Variants in NCKAP5 observed in about 807,000 individuals in gnomAD.
The protein encoded by NCKAP5 is nck-associated protein 5.
NCKAP5 carries 92 observed loss-of-function variants against 167.0 expected under a neutral mutation model. The ratio of observed to expected loss-of-function variants is 0.55; its 90% CI spans 0.47 to 0.66. The LOEUF (loss-of-function observed/expected upper bound fraction) is 0.66. Among genes scored for constraint, NCKAP5 ranks in the 30% least tolerant of loss-of-function variants. The pLI is 0.00. For synonymous variants in NCKAP5, 891 were observed against 877.4 expected, an observed-to-expected ratio of 1.02 and a Z score of -0.27; for missense variants, 2,378 against 2,315.0, an observed-to-expected ratio of 1.03 and a Z score of -0.56.
At chr2:133,363,345 G>A (rs1685249440) in intron 3 of NCKAP5, among the ~76,000 whole-genome samples, 1 of 151,962 alleles carries the variant, frequency 6.6e-6, no homozygotes, top group Non-Finnish European at 1.5e-5. Flanking sequence ...CCTATTGTCT[G>A]TGGCTGCATT....
rs552279326 is a variant in NCKAP5, at chr2:133,336,883, C to T, written c.70-33773G>A. ...CTGTTTGGCAGAGGTATATCCCTAC[C>T]GGGTCTCACTGCCACAGGAACAGAA... On this transcript the variant is annotated intron_variant, in intron 3 of 19. Coordinates refer to ENST00000409261, the MANE Select transcript of NCKAP5 (RefSeq NM_207363.3). Among the ~76,000 whole-genome samples the T allele has an allele frequency of 6.0e-4, 91 of 152,254 alleles. 1 individual carries two copies. The highest frequency in any genetic ancestry group is 1.8e-3 in the African/African-American group (75 of 41,564).
rs565853552 is a variant in NCKAP5 at position 133,472,467 on chromosome 2, T to C, written c.69+44991A>G. On this transcript the variant is annotated intron_variant, in intron 3 of 19. Transcript: ENST00000409261. ...ACTTTGATTATTTTGTAAGGTTTTATTATTGCTTCTCCTCTCCTTTTTAGG... is the reference window on the plus strand; with the variant it reads ...ACTTTGATTATTTTGTAAGGTTTTACTATTGCTTCTCCTCTCCTTTTTAGG... 2.0e-5 allele frequency among the ~76,000 whole-genome samples: 3 copies of C among 152,194 alleles called. No homozygotes were observed. In the East Asian group the frequency reaches 5.8e-4, roughly 30 times the overall value.
chr2:133,225,082 T>A (rs1322381656), intron 4 of NCKAP5, among the ~76,000 whole-genome samples: 1 of 152,184 alleles, frequency 6.6e-6, no homozygotes, highest in African/African-American at 2.4e-5. Flanking sequence ...AAAATTCCAC[T>A]AAAATAAATC....
chr2:133,510,233 G>T (rs1187893593), intron 3 of NCKAP5, among the ~76,000 whole-genome samples: 2 of 152,150 alleles, frequency 1.3e-5, no homozygotes, highest in African/African-American at 4.8e-5. Context: ...ACTGCATGCT[G>T]GGGGACGGCT....
intron 6 of NCKAP5, among the ~76,000 whole-genome samples, chr2:132,998,259 G>T (rs1338242137): frequency 1.3e-5 from 2 of 152,164 alleles, no homozygotes; most frequent in Non-Finnish European, 2.9e-5. Flanking sequence ...AACACAAGTT[G>T]CTGGATCAAA....
intron 1 of NCKAP5, among the ~76,000 whole-genome samples, chr2:133,567,698 T>TGA (rs1484670766): frequency 3.6e-5 from 5 of 139,240 alleles, no homozygotes; most frequent in Non-Finnish European, 7.8e-5. Flanking sequence ...TGTGTGTGTG[T>TGA]GTTTGGGGAG....
chr2:133,482,601 C>T lies in NCKAP5; in HGVS notation c.69+34857G>A, dbSNP rs189802634. Among the ~76,000 whole-genome samples, 628 of 152,254 alleles carry T rather than the reference C, an allele frequency of 4.1e-3. 3 individuals carry two copies. The highest frequency in any genetic ancestry group is 0.014 in the African/African-American group (581 of 41,542). On this transcript the variant is annotated intron_variant, in intron 3 of 19. Transcript: ENST00000409261. Reference sequence around the variant, plus strand: ...CTATTTTGACTAATTCTGCAATGAACATGTGAGTGCAATTATTTCTCTAAT... The same window carrying T: ...CTATTTTGACTAATTCTGCAATGAATATGTGAGTGCAATTATTTCTCTAAT...
At chr2:132,813,890 C>T (rs945273627) in intron 11 of NCKAP5, among the ~76,000 whole-genome samples, 2 of 152,126 alleles carry the variant, frequency 1.3e-5, no homozygotes, top group Admixed American at 1.3e-4. Context: ...ACCACTGGGA[C>T]CTTCACAGCC....
At chr2:133,548,701 C>A (rs2104936166) in intron 2 of NCKAP5, among the ~76,000 whole-genome samples, 1 of 152,046 alleles carries the variant, frequency 6.6e-6, no homozygotes, top group East Asian at 1.9e-4. Context: ...CACCACTAGG[C>A]CTGCCCTAAA....
chr2:133,230,362 G>T (rs939428658), intron 4 of NCKAP5, among the ~76,000 whole-genome samples: 10 of 152,136 alleles, frequency 6.6e-5, no homozygotes, highest in Non-Finnish European at 1.5e-4. Flanking sequence ...TTCTAGCGTT[G>T]CTGTGGGCAT....
chr2:132,848,655 G>T (rs1688850820), intron 11 of NCKAP5, among the ~76,000 whole-genome samples: 1 of 152,102 alleles, frequency 6.6e-6, no homozygotes, highest in Non-Finnish European at 1.5e-5. Context: ...GGAGGGAAAA[G>T]CAATCATAAA....
At chr2:133,251,450 C>T (rs1016748958) in intron 4 of NCKAP5, among the ~76,000 whole-genome samples, 11 of 152,216 alleles carry the variant, frequency 7.2e-5, no homozygotes, top group Middle Eastern at 3.4e-3. Context: ...ATGAATTTGC[C>T]GGACTTTATT....
At chr2:133,515,003 C>T (rs900468240) in intron 3 of NCKAP5, among the ~76,000 whole-genome samples, 3 of 152,202 alleles carry the variant, frequency 2.0e-5, no homozygotes, top group African/African-American at 7.2e-5. Context: ...TTGTTGTTTT[C>T]TTGTATTTCA....
chr2:133,628,508 G>A, the NCKAP5 span, among the ~76,000 whole-genome samples: 1 of 152,032 alleles, frequency 6.6e-6, no homozygotes, highest in Non-Finnish European at 1.5e-5. Context: ...AGAAACAACT[G>A]GAAAAACATT....
the NCKAP5 span, among the ~76,000 whole-genome samples, chr2:133,647,749 G>GAAGGAAGGA: frequency 6.5e-5 from 9 of 139,068 alleles, 1 homozygote; most frequent in Non-Finnish European, 1.4e-4. Flanking sequence ...AGGAAGGAAG[G>GAAGGAAGGA]AAAGAAAAGA....
intron 6 of NCKAP5, among the ~76,000 whole-genome samples, chr2:133,006,965 G>A (rs566992727): frequency 6.6e-6 from 1 of 152,146 alleles, no homozygotes; most frequent in South Asian, 2.1e-4. Context: ...CTTGTTCCAT[G>A]ATATTTCAGA....
chr2:132,856,506 T>C (rs1689484271), intron 11 of NCKAP5, among the ~76,000 whole-genome samples: 1 of 152,216 alleles, frequency 6.6e-6, no homozygotes, highest in Non-Finnish European at 1.5e-5. Context: ...TCATCTACCC[T>C]ATAAAATTCT....
At chr2:133,264,102 C>T (rs1015333798) in intron 4 of NCKAP5, among the ~76,000 whole-genome samples, 2 of 152,340 alleles carry the variant, frequency 1.3e-5, no homozygotes, top group East Asian at 3.9e-4. Flanking sequence ...TGGAGTTTCT[C>T]TCCAAGACAC....
At chr2:132,868,011 T>C (rs1341071782) in intron 10 of NCKAP5, among the ~76,000 whole-genome samples, 1 of 152,168 alleles carries the variant, frequency 6.6e-6, no homozygotes, top group East Asian at 1.9e-4. Flanking sequence ...GCCTGTATCA[T>C]AGAAATTTTA....
Sources: gnomAD v4.1 joint callset for allele counts (sites outside exome capture counted in the v4.1 genomes callset) on GRCh38, gnomAD v4.1.1 for gene constraint, MANE v1.5 for transcripts, NCBI Gene and HGNC (gene_info 2026-07-23, HGNC 2026-07-21) for gene names.